The following SLC25A21 variants were observed in gnomAD, a reference collection of about 807,000 sequenced individuals.
SLC25A21 encodes the protein solute carrier family 25 member 21.
SLC25A21 carries 47 observed loss-of-function variants against 43.8 expected under a neutral mutation model. The observed-to-expected ratio is 1.07, with a 90% confidence interval of 0.85 to 1.37. SLC25A21 has a LOEUF of 1.37. Among genes scored for constraint, SLC25A21 ranks in the 40% most tolerant of loss-of-function variants. The probability of loss-of-function intolerance (pLI) is 0.00; values close to 1 mark genes in which losing one functional copy is unlikely to be tolerated. For synonymous variants in SLC25A21, 131 were observed against 121.3 expected, an observed-to-expected ratio of 1.08 and a Z score of -0.52; for missense variants, 352 against 350.2, an observed-to-expected ratio of 1.00 and a Z score of -0.04.
intron 7 of SLC25A21, among the ~76,000 whole-genome samples, chr14:36,708,762 T>TTTTG (rs1274890690): frequency 2.0e-5 from 3 of 148,426 alleles, no homozygotes; most frequent in Non-Finnish European, 4.5e-5. Flanking sequence ...TTTTTTTTTT[T>TTTTG]TTTGTAGCGA....
At chr14:37,036,426 C>T (rs899132749) in intron 1 of SLC25A21, among the ~76,000 whole-genome samples, 2 of 152,002 alleles carry the variant, frequency 1.3e-5, no homozygotes, top group African/African-American at 4.8e-5. Flanking sequence ...TAAAACTTAG[C>T]GCAACATGTT....
chr14:36,997,130 C>T (rs545156751), intron 1 of SLC25A21, among the ~76,000 whole-genome samples: 1 of 152,074 alleles, frequency 6.6e-6, no homozygotes, highest in East Asian at 1.9e-4. Context: ...GATAAACACA[C>T]TCAGGATAAA....
At chr14:37,145,392 A>G (rs533278285) in intron 1 of SLC25A21, among the ~76,000 whole-genome samples, 17 of 151,718 alleles carry the variant, frequency 1.1e-4, no homozygotes, top group African/African-American at 4.1e-4. Flanking sequence ...GTGTGCCCAG[A>G]TTTACCTCTA....
At chr14:36,887,321 G>A (rs576487144) in intron 1 of SLC25A21, among the ~76,000 whole-genome samples, 1 of 151,946 alleles carries the variant, frequency 6.6e-6, no homozygotes, top group East Asian at 1.9e-4. Flanking sequence ...CTCGATACTT[G>A]GGAGGCCGAG....
At chr14:36,787,010 T>C (rs1266225916) in intron 3 of SLC25A21, among the ~76,000 whole-genome samples, 2 of 152,170 alleles carry the variant, frequency 1.3e-5, no homozygotes, top group Admixed American at 1.3e-4. Context: ...CGCTTGAGGG[T>C]TGCAGAAGCA....
At chr14:36,716,936 C>G (rs976559139) in intron 6 of SLC25A21, among the ~76,000 whole-genome samples, 1 of 152,274 alleles carries the variant, frequency 6.6e-6, no homozygotes, top group Admixed American at 6.5e-5. Flanking sequence ...GAAAGGTGAA[C>G]GGGTTGCATT....
At position 36,696,135 on chromosome 14, in the gene SLC25A21, C is replaced by T. The variant is rs1460537814; in HGVS notation, c.604-11210G>A. Among the ~76,000 whole-genome samples, 4 of 151,972 alleles carry T rather than the reference C, an allele frequency of 2.6e-5. No individual in the cohort carries two copies. In the East Asian group the frequency reaches 5.8e-4, roughly 22 times the overall value. ...AGCATGAAGGGCTGTTGAATTCTGT[C>T]GAAGGCCTTTTCTGCATCTATTGAG... On this transcript the variant is annotated intron_variant, in intron 7 of 9. Transcript: ENST00000331299.
At chr14:36,803,980 C>T (rs1887953551) in intron 3 of SLC25A21, among the ~76,000 whole-genome samples, 1 of 152,178 alleles carries the variant, frequency 6.6e-6, no homozygotes, top group African/African-American at 2.4e-5. Context: ...TGATTCTGTC[C>T]TAAGGACCAC....
chr14:37,037,886 T>C (rs1017143798), intron 1 of SLC25A21, among the ~76,000 whole-genome samples: 7 of 152,300 alleles, frequency 4.6e-5, no homozygotes, highest in African/African-American at 1.4e-4. Flanking sequence ...TGTTTGCACA[T>C]TGACAGGAGA....
At position 36,896,910 on chromosome 14, in the gene SLC25A21, T is replaced by A. The variant is rs376135624; in HGVS notation, c.71-21906A>T. On this transcript the variant is annotated intron_variant, in intron 1 of 9. Coordinates refer to ENST00000331299, the MANE Select transcript of SLC25A21 (RefSeq NM_030631.4). ...GTAGAGTTTCTGCCAAGAGATCAGC[T>A]GTTAGTCTGATGGGCTTCCCTTTGT... Among the ~76,000 whole-genome samples, 64 of 152,358 alleles carry A rather than the reference T, an allele frequency of 4.2e-4. No individual in the cohort carries two copies. In the East Asian group the frequency reaches 0.011, roughly 27 times the overall value.
chr14:36,893,450 G>C (rs1891142401), intron 1 of SLC25A21, among the ~76,000 whole-genome samples: 1 of 152,170 alleles, frequency 6.6e-6, no homozygotes, highest in Non-Finnish European at 1.5e-5. Flanking sequence ...TTAGCCCTTT[G>C]ACAGATGAGT....
chr14:36,696,181 A>G (rs140608513), intron 7 of SLC25A21, among the ~76,000 whole-genome samples: 4,947 of 152,194 alleles, frequency 0.033, 293 homozygotes, highest in East Asian at 0.29. Flanking sequence ...GGTTTTTGTC[A>G]TTAGTTCTGT....
chr14:36,808,668 T>C (rs1326809621), intron 3 of SLC25A21, among the ~76,000 whole-genome samples: 1 of 152,202 alleles, frequency 6.6e-6, no homozygotes, highest in Non-Finnish European at 1.5e-5. Context: ...GTAAGTTATT[T>C]AACTTCAGTT....
At chr14:37,047,922 T>C (rs1476973281) in intron 1 of SLC25A21, among the ~76,000 whole-genome samples, 1 of 152,234 alleles carries the variant, frequency 6.6e-6, no homozygotes. Flanking sequence ...TTGGATTTTA[T>C]ACCACTCATA....
intron 1 of SLC25A21, among the ~76,000 whole-genome samples, chr14:36,993,847 C>G (rs1217789025): frequency 6.6e-6 from 1 of 152,092 alleles, no homozygotes; most frequent in Non-Finnish European, 1.5e-5. Context: ...AATCCTTCAC[C>G]TAAGTTTTCC....
chr14:37,163,768 G>T (rs1324214842), intron 1 of SLC25A21, among the ~76,000 whole-genome samples: 1 of 152,138 alleles, frequency 6.6e-6, no homozygotes, highest in African/African-American at 2.4e-5. Flanking sequence ...TTCAATGTTT[G>T]ATAGCAGAGT....
At chr14:37,075,531 A>C (rs759814996) in intron 1 of SLC25A21, among the ~76,000 whole-genome samples, 4 of 152,194 alleles carry the variant, frequency 2.6e-5, no homozygotes, top group Non-Finnish European at 5.9e-5. Context: ...AACAGTGTAC[A>C]TAGAGTGACG....
intron 1 of SLC25A21, among the ~76,000 whole-genome samples, chr14:37,017,436 C>G (rs933470069): frequency 6.6e-6 from 1 of 151,948 alleles, no homozygotes; most frequent in Non-Finnish European, 1.5e-5. Flanking sequence ...GTGCTCAAAA[C>G]CAAATACAAT....
intron 1 of SLC25A21, among the ~76,000 whole-genome samples, chr14:37,073,731 C>T (rs1054548313): frequency 3.9e-5 from 6 of 152,116 alleles, no homozygotes; most frequent in African/African-American, 1.4e-4. Context: ...GTCTTGTGTC[C>T]AGGTTAAATG....
Sources: allele counts gnomAD v4.1 joint callset (sites outside exome capture counted in the v4.1 genomes callset), GRCh38; gene constraint gnomAD v4.1.1; transcripts MANE v1.5; gene names NCBI Gene and HGNC (gene_info 2026-07-23, HGNC 2026-07-21).